The following RERE variants were observed in gnomAD, a reference collection of about 807,000 sequenced individuals.
RERE encodes arginine-glutamic acid dipeptide repeats protein.
Under a neutral mutation model 146.1 loss-of-function variants are expected in RERE, and 40 were observed. The observed-to-expected ratio is 0.27, with a 90% CI of 0.21 to 0.36. RERE has a LOEUF of 0.36. RERE is among the 10% of genes least tolerant of loss of function. RERE has a pLI of 1.00. For synonymous variants in RERE, 1,003 were observed against 866.0 expected, an observed-to-expected ratio of 1.16 and a Z score of -2.78; for missense variants, 1,933 against 2,138.7, an observed-to-expected ratio of 0.90 and a Z score of 1.90.
At chr1:8,735,819 C>G (rs1356102516) in intron 1 of RERE, among the ~76,000 whole-genome samples, 1 of 152,024 alleles carries the variant, frequency 6.6e-6, no homozygotes, top group African/African-American at 2.4e-5. Flanking sequence ...TGCCTTCCAC[C>G]GTGAGTAAAA....
chr1:8,381,021 C>T (rs1206105040), intron 12 of RERE: 2 of 456,532 alleles, frequency 4.4e-6, no homozygotes, highest in Admixed American at 2.3e-5. Flanking sequence ...TCCTTGGGTG[C>T]AGACACCTGG....
At chr1:8,376,187 G>T (rs914820517) in intron 12 of RERE, among the ~76,000 whole-genome samples, 1 of 152,164 alleles carries the variant, frequency 6.6e-6, no homozygotes, top group Admixed American at 6.5e-5. Context: ...AGTGAGGGGG[G>T]CAAATTTGGG....
chr1:8,463,902 G>A (rs968337143), intron 11 of RERE, among the ~76,000 whole-genome samples: 10 of 152,308 alleles, frequency 6.6e-5, no homozygotes, highest in Non-Finnish European at 5.9e-5. Context: ...CACAAAGGGT[G>A]GTTAAACGAC....
At chr1:8,474,641 T>C (rs1644730272) in intron 10 of RERE, among the ~76,000 whole-genome samples, 1 of 152,220 alleles carries the variant, frequency 6.6e-6, no homozygotes, top group Non-Finnish European at 1.5e-5. Flanking sequence ...AATGAACCCA[T>C]GAATTACATC....
chr1:8,416,598 A>AAAAAGAAAAG (rs1224760336), intron 12 of RERE, among the ~76,000 whole-genome samples: 19 of 147,758 alleles, frequency 1.3e-4, no homozygotes, highest in Admixed American at 2.0e-4. Flanking sequence ...AAAAAAAAAA[A>AAAAAGAAAAG]AAAAGAAAAG....
In RERE at chr1:8,361,077, C is replaced by A. The variant is rs1641555248; in HGVS notation, c.2430G>T (p.Arg810=). ...IQQAPALHPQ[R]PPSPHPPPHP... is the part of the protein sequence containing the mutation. ...GCGGCGGGGGATGCGGTGAGGGCGG[C>A]CGCTGGGGGTGCAAGGCCGGTGCCT... Residue 810 remains arginine (R), a synonymous_variant, in exon 18 of 23, where the codon CGG becomes CGT. Coordinates refer to ENST00000400908, the MANE Select transcript of RERE (RefSeq NM_001042681.2). 19 of 1,438,676 alleles carry A rather than the reference C, an allele frequency of 1.3e-5. No individual in the cohort carries two copies. The highest frequency in any genetic ancestry group is 1.7e-5 in the Non-Finnish European group (19 of 1,101,208). 89.1% of individuals were successfully genotyped at this position (1,438,676 alleles called of 1,614,324 possible). A position where few individuals can be genotyped will look rare whatever the true frequency, so the allele number is the denominator to read the frequency against.
intron 1 of RERE, among the ~76,000 whole-genome samples, chr1:8,660,661 A>G (rs1334915318): frequency 6.6e-6 from 1 of 152,178 alleles, no homozygotes; most frequent in Non-Finnish European, 1.5e-5. Flanking sequence ...ACAGGCACCA[A>G]CTTCTCCTAC....
chr1:8,520,540 C>A (rs1230974444), intron 7 of RERE, among the ~76,000 whole-genome samples: 1 of 152,020 alleles, frequency 6.6e-6, no homozygotes, highest in African/African-American at 2.4e-5. Flanking sequence ...TTTCAAAGTG[C>A]TATAGTGACT....
At chr1:8,420,566 TAC>T (rs1643896512) in intron 12 of RERE, among the ~76,000 whole-genome samples, 1 of 152,176 alleles carries the variant, frequency 6.6e-6, no homozygotes. Context: ...TTATAATACT[TAC>T]AGATTTACCC....
chr1:8,645,800 T>C (rs1276863710), intron 2 of RERE, among the ~76,000 whole-genome samples: 1 of 152,228 alleles, frequency 6.6e-6, no homozygotes, highest in African/African-American at 2.4e-5. Context: ...TTCTCTTTCC[T>C]CTATCCTCAC....
chr1:8,636,956 A>AT (rs1230316070), intron 2 of RERE, among the ~76,000 whole-genome samples: 1 of 152,088 alleles, frequency 6.6e-6, no homozygotes, highest in Non-Finnish European at 1.5e-5. Flanking sequence ...TTACTCAAAT[A>AT]TTTTTATAAA....
At chr1:8,389,540 T>C (rs1570120922) in intron 12 of RERE, among the ~76,000 whole-genome samples, 1 of 152,302 alleles carries the variant, frequency 6.6e-6, no homozygotes, top group East Asian at 1.9e-4. Flanking sequence ...ACTGTGCCTC[T>C]TGTTTACAAC....
At position 8,614,546 on chromosome 1, in the gene RERE, C is replaced by T. The variant is rs1229418332; in HGVS notation, c.522+15G>A. The stretch of plus-strand genomic sequence containing the variant: ...ATAAAATACTGATAGCTTTTAAAAA[C>T]GGGATTCTCCTTACCCCTACAGGCC... On this transcript the variant is annotated intron_variant, in intron 4 of 22. Coordinates refer to ENST00000400908, the MANE Select transcript of RERE (RefSeq NM_001042681.2). The T allele has an allele frequency of 7.5e-6, 12 of 1,601,542 alleles. No individual in the cohort carries two copies. Among genetic ancestry groups the T allele is most frequent in the Non-Finnish European group, 8.5e-6 (10 of 1,175,426 alleles).
Position 8,422,708 on chromosome 1 carries a change from A to C in RERE, c.1284+19T>G. 3 of 1,579,870 alleles carry C rather than the reference A, an allele frequency of 1.9e-6. No individual in the cohort carries two copies. In the South Asian group the frequency reaches 3.3e-5, roughly 18 times the overall value. On this transcript the variant is annotated intron_variant, in intron 12 of 22. Coordinates refer to ENST00000400908, the MANE Select transcript of RERE (RefSeq NM_001042681.2). Reference sequence around the variant, plus strand: ...CAAAGAGGAAAAAATCAAGTTACATAAAGTCCAATTGTACTCACTGTTTCC... The same window carrying C: ...CAAAGAGGAAAAAATCAAGTTACATCAAGTCCAATTGTACTCACTGTTTCC...
At position 8,356,321 on chromosome 1, in the gene RERE, C is replaced by G. The variant is rs909636846; in HGVS notation, c.4340-75G>C. On this transcript the variant is annotated intron_variant, in intron 20 of 22. Coordinates refer to ENST00000400908, the MANE Select transcript of RERE (RefSeq NM_001042681.2). This position sits in a 1 kb window ranked among gnomAD's most constrained non-coding sequence, Gnocchi z 5.2. Reference sequence around the variant, plus strand: ...GTTTGTCCCCCTTGGCTGGAATGACCGATGACTTCCTCCTCACCCAGGATG... The same window carrying G: ...GTTTGTCCCCCTTGGCTGGAATGACGGATGACTTCCTCCTCACCCAGGATG... 1 of 1,385,808 alleles carries G rather than the reference C, an allele frequency of 7.2e-7. No individual in the cohort carries two copies. The highest frequency in any genetic ancestry group is 1.5e-5 in the African/African-American group (1 of 65,222). The allele number at this position is 1,385,808 out of a possible 1,614,324, so 85.8% of individuals were successfully genotyped here. A position where few individuals can be genotyped will look rare whatever the true frequency, so the allele number is the denominator to read the frequency against.
intron 6 of RERE, among the ~76,000 whole-genome samples, chr1:8,550,260 T>A (rs970885945): frequency 6.6e-6 from 1 of 152,214 alleles, no homozygotes; most frequent in African/African-American, 2.4e-5. Context: ...TAGGTTCCCA[T>A]CACCAAATAT....
chr1:8,500,740 G>A (rs1262395948), intron 8 of RERE, among the ~76,000 whole-genome samples: 10 of 151,990 alleles, frequency 6.6e-5, no homozygotes, highest in Non-Finnish European at 1.3e-4. Context: ...TCTCTGCCCG[G>A]CCGCCATCCC....
In RERE at chr1:8,553,286, G is replaced by A. The variant is rs545383589; in HGVS notation, c.725+3189C>T. Among the ~76,000 whole-genome samples, 151 of 151,304 alleles carry A rather than the reference G, an allele frequency of 1.0e-3. 1 individual carries two copies. The highest frequency in any genetic ancestry group is 1.7e-3 in the Non-Finnish European group (117 of 67,888). ...ATTAAGCCAGTGCGTCCACACACAC[G>A]TGACACTACACTACTAGGCCGGCAC... is the stretch of plus-strand genomic sequence containing the variant. On this transcript the variant is annotated intron_variant, in intron 6 of 22. Coordinates refer to ENST00000400908, the MANE Select transcript of RERE (RefSeq NM_001042681.2).
intron 12 of RERE, among the ~76,000 whole-genome samples, chr1:8,394,220 A>G (rs1362572169): frequency 6.6e-6 from 1 of 152,204 alleles, no homozygotes; most frequent in African/African-American, 2.4e-5. Flanking sequence ...AAACAGACAC[A>G]ATTCATCTTG....
Sources: gnomAD v4.1 joint callset for allele counts (sites outside exome capture counted in the v4.1 genomes callset) on GRCh38, gnomAD v4.1.1 for gene constraint, Gnocchi (gnomAD v3.1) non-coding constraint, MANE v1.5 for transcripts, NCBI Gene and HGNC (gene_info 2026-07-23, HGNC 2026-07-21) for gene names.